The following DHRSX variants were observed in gnomAD, a reference collection of about 807,000 sequenced individuals.
DHRSX encodes the protein polyprenol dehydrogenase.
A neutral mutation model predicts 34.0 loss-of-function variants in DHRSX; 31 were observed. That is an observed-to-expected ratio of 0.91 (90% confidence interval 0.69 to 1.23). The LOEUF (loss-of-function observed/expected upper bound fraction) is 1.23, where lower values mean the gene tolerates loss of function less well. Ranked by LOEUF, DHRSX falls within the 50% of genes most tolerant of loss-of-function variation. The probability of loss-of-function intolerance (pLI) is 0.00; values close to 1 mark genes in which losing one functional copy is unlikely to be tolerated. For synonymous variants in DHRSX, 201 were observed against 183.8 expected (o/e 1.09, Z -0.76); for missense variants, 414 against 428.1 (o/e 0.97, Z 0.29).
rs185583165 is a variant in DHRSX at position 2,250,203 on chromosome X, C to A, written c.597-6973G>T. ...AAAATTAAGCATTGATTCAAAAAGT[C>A]TTTTCTGGCTGGGTGCAGTGGCTCA... On this transcript the variant is annotated intron_variant, in intron 5 of 6. Coordinates refer to ENST00000334651, the MANE Select transcript of DHRSX (RefSeq NM_145177.3). 6.7e-3 allele frequency among the ~76,000 whole-genome samples: 1,007 copies of A among 149,982 alleles called. 12 individuals carry two copies. The highest frequency in any genetic ancestry group is 0.01 in the Non-Finnish European group (679 of 67,498).
intron 3 of DHRSX, among the ~76,000 whole-genome samples, chrX:2,328,079 C>CAAAA (rs35824420): frequency 1.7e-5 from 2 of 118,526 alleles, no homozygotes; most frequent in Non-Finnish European, 3.4e-5. Flanking sequence ...GACTCCGTCT[C>CAAAA]AAAAAAAAAA....
At chrX:2,402,883 C>CTTTTTTTTTTTTT (rs758977585) in intron 3 of DHRSX, among the ~76,000 whole-genome samples, 1 of 117,770 alleles carries the variant, frequency 8.5e-6, no homozygotes, top group Admixed American at 8.6e-5. Flanking sequence ...TAATTGGTTT[C>CTTTTTTTTTTTTT]TTTTTTTTTT....
At chrX:2,481,664 TA>T (rs760453949) in intron 1 of DHRSX, among the ~76,000 whole-genome samples, 108 of 145,028 alleles carry the variant, frequency 7.4e-4, no homozygotes, top group Non-Finnish European at 6.7e-4. Context: ...GAAACTGTCT[TA>T]AAAAAAAAAA....
At chrX:2,306,656 C>G (rs910548730) in intron 3 of DHRSX, among the ~76,000 whole-genome samples, 14 of 152,068 alleles carry the variant, frequency 9.2e-5, no homozygotes, top group Middle Eastern at 3.4e-3. Flanking sequence ...TTTCGATGAT[C>G]AGTCATCTTT....
chrX:2,319,360 T>C (rs954762011), intron 3 of DHRSX, among the ~76,000 whole-genome samples: 2 of 151,590 alleles, frequency 1.3e-5, no homozygotes, highest in Non-Finnish European at 2.9e-5. Context: ...CTGGCCAATA[T>C]GGTGAAACCC....
At chrX:2,440,529 TCTTTC>T (rs1228394784) in intron 1 of DHRSX, among the ~76,000 whole-genome samples, 1 of 150,158 alleles carries the variant, frequency 6.7e-6, no homozygotes, top group East Asian at 1.9e-4. Context: ...TGTTTTTCTT[TCTTTC>T]TTTTTTTTTT....
At chrX:2,462,178 G>C (rs1427075850) in intron 1 of DHRSX, among the ~76,000 whole-genome samples, 2 of 130,690 alleles carry the variant, frequency 1.5e-5, no homozygotes, top group Non-Finnish European at 3.3e-5. Context: ...ATTCCAATTA[G>C]TGCCTCAAAA....
At chrX:2,341,588 T>A (rs367679823) in intron 3 of DHRSX, among the ~76,000 whole-genome samples, 1 of 151,428 alleles carries the variant, frequency 6.6e-6, no homozygotes, top group East Asian at 2.0e-4. Context: ...GATCCTTTTT[T>A]ACATCTGCAA....
At chrX:2,286,064 G>A (rs931491626) in intron 4 of DHRSX, among the ~76,000 whole-genome samples, 8 of 152,146 alleles carry the variant, frequency 5.3e-5, no homozygotes, top group African/African-American at 1.9e-4. Context: ...CAGCACAAGA[G>A]CTGGTGATGA....
intron 3 of DHRSX, among the ~76,000 whole-genome samples, chrX:2,391,831 G>A (rs2043338699): frequency 6.6e-6 from 1 of 152,076 alleles, no homozygotes; most frequent in East Asian, 1.9e-4. Context: ...GGAGACTGAG[G>A]CAGGAGAATT....
intron 3 of DHRSX, among the ~76,000 whole-genome samples, chrX:2,350,231 G>A (rs35463644): frequency 0.51 from 76,570 of 151,172 alleles, 20,021 homozygotes; most frequent in Non-Finnish European, 0.57. Flanking sequence ...GGTGCCTGTA[G>A]TCTCAGCTAC....
At position 2,456,288 on chromosome X, in the gene DHRSX, TTATC is replaced by T. The variant is rs375508409; in HGVS notation, c.110-30988_110-30985del. ...CTCATTTGTCACAGGTAGAAACAGTTTATCTGCGAGTTTGTAACCAGGTGAATCA... is the reference window on the plus strand; with the variant it reads ...CTCATTTGTCACAGGTAGAAACAGTTTGCGAGTTTGTAACCAGGTGAATCA... On this transcript the variant is annotated intron_variant, in intron 1 of 6. Transcript: ENST00000334651. Among the ~76,000 whole-genome samples the T allele has an allele frequency of 2.3e-3, 355 of 152,168 alleles. 2 individuals carry two copies. The highest frequency in any genetic ancestry group is 7.9e-3 in the African/African-American group (328 of 41,522).
chrX:2,362,284 T>C (rs2042942507), intron 3 of DHRSX, among the ~76,000 whole-genome samples: 1 of 152,160 alleles, frequency 6.6e-6, no homozygotes, highest in Admixed American at 6.5e-5. Context: ...GAAAGACCCA[T>C]AAGGTCTACC....
In DHRSX at chrX:2,449,449, A is replaced by G. The variant is rs749827801; in HGVS notation, c.110-24145T>C. On this transcript the variant is annotated intron_variant, in intron 1 of 6. Transcript: ENST00000334651. The stretch of plus-strand genomic sequence containing the variant: ...TAGCCCAGCTGGGAAGAAATGGAAC[A>G]TTCTGGGGGACACTGATTTTCATAT... 1.1e-4 allele frequency among the ~76,000 whole-genome samples: 17 copies of G among 152,198 alleles called. No individual in the cohort carries two copies. The East Asian group carries it at 2.5e-3, about 23-fold the overall frequency.
At chrX:2,360,497 C>T (rs1259802620) in intron 3 of DHRSX, among the ~76,000 whole-genome samples, 1 of 152,048 alleles carries the variant, frequency 6.6e-6, no homozygotes, top group Non-Finnish European at 1.5e-5. Flanking sequence ...GCAGGAGAAT[C>T]GCTTGAACCC....
chrX:2,410,214 T>G (rs756148654), intron 2 of DHRSX, among the ~76,000 whole-genome samples: 29 of 152,338 alleles, frequency 1.9e-4, no homozygotes, highest in African/African-American at 4.3e-4. Context: ...TCATCCTTCA[T>G]TAACCTGTTG....
chrX:2,263,403 G>C (rs1018020037), intron 5 of DHRSX, among the ~76,000 whole-genome samples: 1 of 152,070 alleles, frequency 6.6e-6, no homozygotes, highest in Non-Finnish European at 1.5e-5. Flanking sequence ...CCAGGAAGCG[G>C]GTTCTCGCCA....
intron 3 of DHRSX, among the ~76,000 whole-genome samples, chrX:2,340,441 T>G (rs2042626416): frequency 6.6e-6 from 1 of 150,598 alleles, no homozygotes; most frequent in Non-Finnish European, 1.5e-5. Context: ...TGTGTGTGCG[T>G]CTGTCTGTGT....
chrX:2,486,739 C>G (rs186875190), intron 1 of DHRSX: 1 of 152,268 alleles, frequency 6.6e-6, no homozygotes, highest in African/African-American at 2.4e-5. Flanking sequence ...CGAGAACACC[C>G]GGAGCTGAGG....
Sources: allele counts gnomAD v4.1 joint callset (sites outside exome capture counted in the v4.1 genomes callset), GRCh38; gene constraint gnomAD v4.1.1; transcripts MANE v1.5; gene names NCBI Gene and HGNC (gene_info 2026-07-23, HGNC 2026-07-21).